Variants in ANOS1 observed in about 807,000 individuals in gnomAD.
ANOS1 encodes the protein anosmin-1.
A neutral mutation model predicts 59.0 loss-of-function variants in ANOS1; 6 were observed. The observed-to-expected ratio is 0.10, with a 90% CI of 0.06 to 0.20. The LOEUF is 0.20. Ranked by LOEUF, ANOS1 falls within the 10% of genes least tolerant of loss-of-function variation. The pLI, the probability that ANOS1 is intolerant of heterozygous loss-of-function variation, is 1.00. For synonymous variants in ANOS1, 217 were observed against 223.4 expected (o/e 0.97, Z 0.25); for missense variants, 433 against 542.3 (o/e 0.80, Z 2.00).
At chrX:8,551,895 C>T (rs1929863234) in intron 9 of ANOS1, among the ~76,000 whole-genome samples, 1 of 112,377 alleles carries the variant, frequency 8.9e-6, no homozygotes, top group South Asian at 3.7e-4. Flanking sequence ...ATCGCTTGAA[C>T]CTGGGAGGCG....
In ANOS1 at chrX:8,544,138, A is replaced by G. The variant is rs1236992118; in HGVS notation, c.1355-4380T>C. On this transcript the variant is annotated intron_variant, in intron 9 of 13. Coordinates refer to ENST00000262648, the MANE Select transcript of ANOS1 (RefSeq NM_000216.4). The stretch of plus-strand genomic sequence containing the variant: ...TCTGGCATAAACAAAGGGCTCTAAA[A>G]TTTTTCATTAAATGTGAATTCCTCA... 5.5e-5 allele frequency among the ~76,000 whole-genome samples: 6 copies of G among 109,839 alleles called. No homozygotes were observed. The Admixed American group carries it at 5.8e-4, about 11-fold the overall frequency.
intron 2 of ANOS1, among the ~76,000 whole-genome samples, chrX:8,678,533 T>A (rs1044621130): frequency 1.1e-4 from 12 of 112,284 alleles, no homozygotes; most frequent in African/African-American, 3.9e-4. Flanking sequence ...ATTTAAAGTA[T>A]GAAGAAAGAA....
At chrX:8,711,503 A>G (rs1932812119) in intron 1 of ANOS1, among the ~76,000 whole-genome samples, 2 of 112,794 alleles carry the variant, frequency 1.8e-5, no homozygotes, top group South Asian at 3.6e-4. Flanking sequence ...TCTTTTCTCA[A>G]ATGAGATGAA....
intron 3 of ANOS1, among the ~76,000 whole-genome samples, chrX:8,617,955 C>T (rs1439258276): frequency 3.6e-5 from 4 of 111,100 alleles, no homozygotes; most frequent in Non-Finnish European, 7.5e-5. Flanking sequence ...TGTGCTGTGA[C>T]ACAGAATAGG....
intron 8 of ANOS1, among the ~76,000 whole-genome samples, chrX:8,560,613 C>T (rs1241780594): frequency 8.9e-6 from 1 of 112,283 alleles, no homozygotes; most frequent in East Asian, 2.8e-4. Context: ...TTGCAGACCC[C>T]TGAGAAAGAG....
At chrX:8,582,492 A>AG (rs1008311806) in intron 6 of ANOS1, among the ~76,000 whole-genome samples, 1 of 111,257 alleles carries the variant, frequency 9.0e-6, no homozygotes, top group African/African-American at 3.3e-5. Context: ...GGAAGGAGAA[A>AG]GGGGGGGTCA....
chrX:8,608,333 C>T (rs1439778989), intron 3 of ANOS1, among the ~76,000 whole-genome samples: 1 of 111,118 alleles, frequency 9.0e-6, no homozygotes, highest in Non-Finnish European at 1.9e-5. Context: ...TTATAGATGG[C>T]CTAAAATCCT....
At chrX:8,614,866 A>AAAAATATAAAAAAATTTTTATATTTTAT (rs750685412) in intron 3 of ANOS1, among the ~76,000 whole-genome samples, 3 of 104,645 alleles carry the variant, frequency 2.9e-5, no homozygotes, top group East Asian at 2.9e-4. Flanking sequence ...GAGTAATATA[A>AAAAATATAAAAAAATTTTTATATTTTAT]GAAAAATATA....
chrX:8,547,580 T>C (rs1478747181), intron 9 of ANOS1, among the ~76,000 whole-genome samples: 1 of 112,056 alleles, frequency 8.9e-6, no homozygotes, highest in Non-Finnish European at 1.9e-5. Flanking sequence ...GCAGGTTCCT[T>C]AAAGGTAGGA....
chrX:8,599,753 C>T (rs1601972484), intron 3 of ANOS1, among the ~76,000 whole-genome samples: 1 of 111,995 alleles, frequency 8.9e-6, no homozygotes, highest in African/African-American at 3.2e-5. Flanking sequence ...TGTCTGGTAG[C>T]ACCTAGATAC....
chrX:8,708,965 G>T (rs1406880409), intron 1 of ANOS1, among the ~76,000 whole-genome samples: 1 of 111,385 alleles, frequency 9.0e-6, no homozygotes, highest in Non-Finnish European at 1.9e-5. Flanking sequence ...CCTCTGCAGG[G>T]ACATGGATGA....
intron 2 of ANOS1, among the ~76,000 whole-genome samples, chrX:8,654,468 G>A (rs973667551): frequency 8.9e-6 from 1 of 112,223 alleles, no homozygotes; most frequent in Non-Finnish European, 1.9e-5. Flanking sequence ...TCACCACCAT[G>A]GGAACTAAAA....
intron 3 of ANOS1, among the ~76,000 whole-genome samples, chrX:8,616,126 C>T (rs1931171550): frequency 9.0e-6 from 1 of 110,545 alleles, no homozygotes; most frequent in East Asian, 2.9e-4. Context: ...GAAATTCATG[C>T]CAATTAGGCA....
intron 1 of ANOS1, among the ~76,000 whole-genome samples, chrX:8,700,622 G>A (rs1253500493): frequency 8.9e-6 from 1 of 112,303 alleles, no homozygotes; most frequent in Non-Finnish European, 1.9e-5. Context: ...CCATGCCTCA[G>A]TTTATCCATC....
chrX:8,656,628 C>T (rs1029276092), intron 2 of ANOS1, among the ~76,000 whole-genome samples: 2 of 111,653 alleles, frequency 1.8e-5, no homozygotes, highest in Non-Finnish European at 3.8e-5. Context: ...CTCCCTGCCT[C>T]CTGAGTCTCT....
intron 2 of ANOS1, among the ~76,000 whole-genome samples, chrX:8,637,597 A>T (rs1482497670): frequency 2.7e-5 from 3 of 112,384 alleles, no homozygotes; most frequent in Non-Finnish European, 5.6e-5. Context: ...GAGCACTTGA[A>T]ATGTGGCCAA....
chrX:8,670,617 A>T lies in ANOS1; in HGVS notation c.255+29081T>A, dbSNP rs1932239162. ...CACAGAAATATTGAACTTACCCAAG[A>T]ATTTTCCTAGATGGCCATAAATACC... On this transcript the variant is annotated intron_variant, in intron 2 of 13. Coordinates refer to ENST00000262648, the MANE Select transcript of ANOS1 (RefSeq NM_000216.4). Among the ~76,000 whole-genome samples, 3 of 111,630 alleles carry T rather than the reference A, an allele frequency of 2.7e-5. No homozygotes were observed. The South Asian group carries it at 1.1e-3, about 43-fold the overall frequency.
intron 2 of ANOS1, among the ~76,000 whole-genome samples, chrX:8,664,429 G>A (rs1456050560): frequency 1.8e-5 from 2 of 110,364 alleles, no homozygotes; most frequent in African/African-American, 6.6e-5. Flanking sequence ...TCCTGACCTC[G>A]TGATCCGCCC....
chrX:8,550,046 T>C (rs1384712610), intron 9 of ANOS1, among the ~76,000 whole-genome samples: 1 of 111,491 alleles, frequency 9.0e-6, no homozygotes, highest in African/African-American at 3.3e-5. Context: ...GAAAGGAAAA[T>C]ATAAAATTCT....
Sources: allele counts gnomAD v4.1 joint callset (sites outside exome capture counted in the v4.1 genomes callset), GRCh38; gene constraint gnomAD v4.1.1; transcripts MANE v1.5; gene names NCBI Gene and HGNC (gene_info 2026-07-23, HGNC 2026-07-21).